Variants in LMO2 observed in about 807,000 individuals in gnomAD.
The protein encoded by LMO2 is rhombotin-2.
LMO2 carries 20 observed loss-of-function variants against 23.2 expected under a neutral mutation model. The ratio of observed to expected loss-of-function variants is 0.86; its 90% confidence interval spans 0.61 to 1.25. LMO2 has a LOEUF of 1.25. Ranked by LOEUF, LMO2 falls within the 50% of genes most tolerant of loss-of-function variation. LMO2 has a pLI of 0.00. For missense variants in LMO2, 270 were observed against 315.3 expected (o/e 0.86, Z 1.09); for synonymous variants, 123 against 130.2 (o/e 0.94, Z 0.38).
Position 33,869,361 on chromosome 11 carries a change from C to T in LMO2, c.233G>A (p.Ser78Asn), listed in dbSNP as rs1457105908. The T allele has an allele frequency of 2.5e-6, 3 of 1,208,534 alleles. No homozygotes were observed. The highest frequency in any genetic ancestry group is 3.1e-6 in the Non-Finnish European group (3 of 964,584). 74.9% of individuals were successfully genotyped at this position (1,208,534 alleles called of 1,614,324 possible). ...CCGCACTTACTCTGAAGGGTCCAGGCTCTTCCTTTCGATGGCCGAGGACAT... is the reference window on the plus strand; with the variant it reads ...CCGCACTTACTCTGAAGGGTCCAGGTTCTTCCTTTCGATGGCCGAGGACAT... The part of the protein sequence containing the change: ...SPMSSAIERK[S>N]LDPSEEPVDE... Residue 78 changes from serine (S) to asparagine (N), a missense_variant, in exon 4 of 6, where the codon AGC becomes AAC. By Grantham distance (46) the Ser-to-Asn change is conservative. Around this residue, in one of 2 missense-constraint regions of LMO2, gnomAD observed 170 missense variants for 162.0 expected, o/e 1.05. Coordinates refer to ENST00000257818, the MANE Select transcript of LMO2 (RefSeq NM_005574.4).
At chr11:33,883,661 G>A (rs1283837120) in intron 1 of LMO2, among the ~76,000 whole-genome samples, 1 of 152,118 alleles carries the variant, frequency 6.6e-6, no homozygotes, top group Non-Finnish European at 1.5e-5. Flanking sequence ...CTTGATGAGC[G>A]ATTATCTGGA....
intron 4 of LMO2, among the ~76,000 whole-genome samples, chr11:33,865,444 AT>A (rs1429983948): frequency 6.6e-6 from 1 of 152,218 alleles, no homozygotes; most frequent in African/African-American, 2.4e-5. Flanking sequence ...CATAATAGGA[AT>A]TCTCCTAATT....
At chr11:33,887,516 A>G (rs555172423) in intron 1 of LMO2, among the ~76,000 whole-genome samples, 10 of 150,166 alleles carry the variant, frequency 6.7e-5, no homozygotes, top group African/African-American at 2.2e-4. Flanking sequence ...GGAAGGCCTT[A>G]GCTGCAAGTC....
chr11:33,871,021 G>C (rs1857006167), intron 2 of LMO2: 2 of 973,210 alleles, frequency 2.1e-6, no homozygotes, highest in Non-Finnish European at 2.4e-6. Flanking sequence ...CAGTCATTAA[G>C]GCTTGTAAAG....
Position 33,864,582 on chromosome 11 carries a change from T to C in LMO2, c.464+20A>G. The stretch of plus-strand genomic sequence containing the variant: ...CCCAGCCTCCCTTCCGAGGGCCCAG[T>C]GGAGTGCCGGGGAGGGTACCTGAGA... On this transcript the variant is annotated intron_variant, in intron 5 of 5. Coordinates refer to ENST00000257818, the MANE Select transcript of LMO2 (RefSeq NM_005574.4). The surrounding 1 kb of genome is among the most constrained non-coding windows in gnomAD (Gnocchi z 4.8). 6.2e-7 allele frequency: 1 copy of C among 1,602,338 alleles called. No homozygotes were observed. The highest frequency in any genetic ancestry group is 8.5e-7 in the Non-Finnish European group (1 of 1,172,792).
At chr11:33,888,195 G>A (rs747889046) in intron 1 of LMO2, among the ~76,000 whole-genome samples, 5 of 152,212 alleles carry the variant, frequency 3.3e-5, no homozygotes, top group South Asian at 2.1e-4. Flanking sequence ...TCACGCAAGC[G>A]CATTCGTATA....
Position 33,859,508 on chromosome 11 carries a change from G to A in LMO2, c.532C>T (p.Arg178Trp), listed in dbSNP as rs765694269. 28 of 1,613,896 alleles carry A rather than the reference G, an allele frequency of 1.7e-5. No homozygotes were observed. The highest frequency in any genetic ancestry group is 4.5e-5 in the East Asian group (2 of 44,888). ...KRIRAYEMTM[R>W]VKDKVYHLEC... is the part of the protein sequence containing the mutation. Reference sequence around the variant, plus strand: ...AGGTGATACACTTTGTCTTTCACCCGCATTGTCATCTCATAGGCACGAATC... The same window carrying A: ...AGGTGATACACTTTGTCTTTCACCCACATTGTCATCTCATAGGCACGAATC... The change falls in exon 6 of 6, where the codon CGG becomes TGG. Residue 178 changes from arginine to tryptophan, a missense_variant. Arg to Trp is a moderately radical substitution (Grantham distance 101, BLOSUM62 -3). Around this residue, in one of 2 missense-constraint regions of LMO2, gnomAD observed 100 missense variants for 153.3 expected, o/e 0.65. Coordinates refer to ENST00000257818, the MANE Select transcript of LMO2 (RefSeq NM_005574.4).
chr11:33,884,112 T>A (rs1312056834), intron 1 of LMO2, among the ~76,000 whole-genome samples: 1 of 151,716 alleles, frequency 6.6e-6, no homozygotes, highest in Non-Finnish European at 1.5e-5. Flanking sequence ...AATTCAAAGG[T>A]GTATTACTTA....
At position 33,859,241 on chromosome 11, in the gene LMO2, A is replaced by G. The variant is rs1856474996; in HGVS notation, c.*115T>C. On this transcript the variant is annotated 3_prime_UTR_variant, in exon 6 of 6. Coordinates refer to ENST00000257818, the MANE Select transcript of LMO2 (RefSeq NM_005574.4). ...ACCCAATAAAGGTCTACCATCCCCT[A>G]AGAAATCCCTTACCCCACCCTCAAA... is the stretch of plus-strand genomic sequence containing the variant. 2 of 705,628 alleles carry G rather than the reference A, an allele frequency of 2.8e-6. No individual in the cohort carries two copies. Among genetic ancestry groups the G allele is most frequent in the African/African-American group, 1.8e-5 (1 of 56,330 alleles). 43.7% of individuals were successfully genotyped at this position (705,628 alleles called of 1,614,324 possible).
intron 5 of LMO2, 124 bp from the exon 6 acceptor site, chr11:33,859,699 G>T: frequency 2.5e-6 from 2 of 796,842 alleles, no homozygotes; most frequent in Non-Finnish European, 3.9e-6. Context: ...GGGAAGGTCG[G>T]CTCCAGAAGG....
intron 2 of LMO2, among the ~76,000 whole-genome samples, chr11:33,871,849 C>T (rs1857031002): frequency 6.6e-6 from 1 of 152,060 alleles, no homozygotes; most frequent in South Asian, 2.1e-4. Flanking sequence ...TTAGCATGTC[C>T]TAGGAAAATT....
At chr11:33,866,632 TC>T (rs1856794782) in intron 4 of LMO2, among the ~76,000 whole-genome samples, 1 of 151,928 alleles carries the variant, frequency 6.6e-6, no homozygotes, top group Non-Finnish European at 1.5e-5. Context: ...TCAAAAAAAT[TC>T]AAAACTATAG....
intron 4 of LMO2, among the ~76,000 whole-genome samples, chr11:33,867,449 C>T (rs1856829589): frequency 6.6e-6 from 1 of 152,192 alleles, no homozygotes; most frequent in Admixed American, 6.5e-5. Flanking sequence ...TCACATTATA[C>T]TTAGTGGACA....
At chr11:33,870,739 C>T (rs1189125054) in intron 2 of LMO2, among the ~76,000 whole-genome samples, 3 of 152,162 alleles carry the variant, frequency 2.0e-5, no homozygotes, top group East Asian at 1.9e-4. Flanking sequence ...AGTAGTATCC[C>T]GACCAGAGAA....
Position 33,869,426 on chromosome 11 carries a change from C to G in LMO2, c.168G>C (p.Lys56Asn), listed in dbSNP as rs981060279. 10 of 1,199,534 alleles carry G rather than the reference C, an allele frequency of 8.3e-6. No homozygotes were observed. In the African/African-American group the frequency reaches 9.6e-5, roughly 12 times the overall value. 74.3% of individuals were successfully genotyped at this position (1,199,534 alleles called of 1,614,324 possible). ...APAAGQPRAT[K>N]GAPPPPGTPP... ...GGGTGCCGGGCGGCGGGGGCGCTCC[C>G]TTTGTGGCGCGGGGCTGGCCGGCTG... Residue 56 changes from lysine (K) to asparagine (N), a missense_variant, in exon 4 of 6, where the codon AAG (lysine) becomes AAC (asparagine). This residue lies in a region of LMO2 where 170 missense variants were observed against 162.0 expected (regional missense o/e 1.05). Transcript: ENST00000257818.
At chr11:33,883,866 A>C (rs529252621) in intron 1 of LMO2, among the ~76,000 whole-genome samples, 18 of 152,300 alleles carry the variant, frequency 1.2e-4, no homozygotes, top group African/African-American at 3.9e-4. Flanking sequence ...CGGTGATTTC[A>C]ATAATGGTTT....
At chr11:33,871,260 G>A (rs1198431313) in intron 2 of LMO2, among the ~76,000 whole-genome samples, 1 of 150,710 alleles carries the variant, frequency 6.6e-6, no homozygotes, top group Non-Finnish European at 1.5e-5. Context: ...GAAGCCTTAA[G>A]AGCAAATTTT....
chr11:33,877,179 G>T (rs1263851978), intron 2 of LMO2, among the ~76,000 whole-genome samples: 2 of 152,208 alleles, frequency 1.3e-5, no homozygotes, highest in East Asian at 3.9e-4. Context: ...GGTGAGTTAG[G>T]TTCACAGAGG....
At chr11:33,886,505 G>A (rs865948539) in intron 1 of LMO2, among the ~76,000 whole-genome samples, 6 of 152,162 alleles carry the variant, frequency 3.9e-5, no homozygotes, top group Non-Finnish European at 5.9e-5. Context: ...TATTGCCGAG[G>A]TGTCCCAGCG....
Sources: allele counts gnomAD v4.1 joint callset (sites outside exome capture counted in the v4.1 genomes callset), GRCh38; gene constraint gnomAD v4.1.1; regional missense constraint gnomAD v4.1.1; non-coding constraint Gnocchi (gnomAD v3.1); transcripts MANE v1.5; gene names NCBI Gene and HGNC (gene_info 2026-07-23, HGNC 2026-07-21).